SEC16B: variants seen among roughly 807,000 people sequenced by gnomAD.
The protein encoded by SEC16B is protein transport protein Sec16B.
A neutral mutation model predicts 141.8 loss-of-function variants in SEC16B; 115 were observed. The observed-to-expected ratio is 0.81, with a 90% CI of 0.70 to 0.95. The LOEUF is 0.95. SEC16B is among the 40% of genes least tolerant of loss of function. The probability of loss-of-function intolerance (pLI) is 0.00; values close to 1 mark genes in which losing one functional copy is unlikely to be tolerated. For synonymous variants in SEC16B, 493 were observed against 492.5 expected (o/e 1.00, Z -0.01); for missense variants, 1,291 against 1,312.3 (o/e 0.98, Z 0.25).
chr1:177,931,001 T>C lies in SEC16B; in HGVS notation c.3013-358A>G, dbSNP rs991684694. Among the ~76,000 whole-genome samples, 4 of 152,168 alleles carry C rather than the reference T, an allele frequency of 2.6e-5. No homozygotes were observed. The East Asian group carries it at 7.7e-4, about 29-fold the overall frequency. On this transcript the variant is annotated intron_variant, in intron 24 of 25. Coordinates refer to ENST00000308284, the MANE Select transcript of SEC16B (RefSeq NM_033127.4). Reference sequence around the variant, plus strand: ...GGAATGTAAATTAGTACAACCTCTATGAAAAACAGTATGAAGATTCCTTAA... The same window carrying C: ...GGAATGTAAATTAGTACAACCTCTACGAAAAACAGTATGAAGATTCCTTAA...
In SEC16B at chr1:177,960,841, TG is replaced by T; in HGVS notation, c.885del (p.Ser296AlafsTer29). On this transcript the variant is annotated frameshift_variant, in exon 7 of 26. Transcript: ENST00000308284. LOFTEE classifies it high-confidence loss of function. ...GPGGQLVHVG[P>X]SSPTDGQAAL... Reference sequence around the variant, plus strand: ...GCTGCTTGCCCGTCAGTGGGAGAGCTGGGACCTACATGCACCAGCTGACCTC... The same window carrying T: ...GCTGCTTGCCCGTCAGTGGGAGAGCTGGACCTACATGCACCAGCTGACCTC... 6.2e-7 allele frequency: 1 copy of T among 1,602,078 alleles called. No homozygotes were observed. Among genetic ancestry groups the T allele is most frequent in the Non-Finnish European group, 8.5e-7 (1 of 1,172,400 alleles).
intron 15 of SEC16B, among the ~76,000 whole-genome samples, chr1:177,943,525 G>C (rs549131118): frequency 6.6e-6 from 1 of 152,206 alleles, no homozygotes; most frequent in East Asian, 1.9e-4. Flanking sequence ...TGTAATTGTT[G>C]TTGTTGCTGC....
At chr1:177,963,330 C>T (rs1453662716) in intron 5 of SEC16B, among the ~76,000 whole-genome samples, 3 of 151,794 alleles carry the variant, frequency 2.0e-5, no homozygotes, top group East Asian at 1.9e-4. Context: ...TCTGGCCGAG[C>T]GTGGTGGCTC....
At chr1:177,944,471 A>C in intron 15 of SEC16B, 90 bp downstream of exon 15, 1 of 932,506 alleles carries the variant, frequency 1.1e-6, no homozygotes, top group African/African-American at 1.7e-5. Flanking sequence ...ACTTAGCCCC[A>C]GGTACTAAGT....
intron 1 of SEC16B, 59 bp downstream of exon 1, chr1:177,969,825 G>C (rs1365636035): frequency 6.6e-6 from 1 of 152,158 alleles, no homozygotes. Flanking sequence ...TTCCTAATCT[G>C]ACGGCACAGC....
chr1:177,937,525 G>T lies in SEC16B; in HGVS notation c.2204-12C>A. 1 of 1,504,276 alleles carries T rather than the reference G, an allele frequency of 6.6e-7. No homozygotes were observed. The highest frequency in any genetic ancestry group is 1.4e-5 in the South Asian group (1 of 73,804). The allele number at this position is 1,504,276 out of a possible 1,614,324, so 93.2% of individuals were successfully genotyped here. Reference sequence around the variant, plus strand: ...GTAGAAAGTGTTTTCTAAGGACGTGGAACAAAGGTAAAGAAGTCAGACCTG... The same window carrying T: ...GTAGAAAGTGTTTTCTAAGGACGTGTAACAAAGGTAAAGAAGTCAGACCTG... On this transcript the variant is annotated splice_polypyrimidine_tract_variant and intron_variant, in intron 18 of 25. Transcript: ENST00000308284.
At chr1:177,954,417 C>T (rs377183892) in intron 10 of SEC16B, 41 bp from the exon 11 acceptor site, 1 of 1,491,540 alleles carries the variant, frequency 6.7e-7, no homozygotes, top group Admixed American at 2.0e-5. Context: ...CCTTTCCCAC[C>T]TTCCACTCAC....
chr1:177,974,951 C>G (rs1654111170), upstream of SEC16B, among the ~76,000 whole-genome samples: 1 of 152,140 alleles, frequency 6.6e-6, no homozygotes, highest in African/African-American at 2.4e-5. Flanking sequence ...TCCTCTAAAT[C>G]AGGGAAAAAG....
chr1:177,963,257 C>A (rs190411590), intron 5 of SEC16B, among the ~76,000 whole-genome samples: 1 of 152,020 alleles, frequency 6.6e-6, no homozygotes, highest in African/African-American at 2.4e-5. Context: ...AAGAAATTGA[C>A]CTCATACAAA....
At chr1:177,979,486 A>G (rs1305476461) in intron 1 of SEC16B, among the ~76,000 whole-genome samples, 2 of 152,212 alleles carry the variant, frequency 1.3e-5, no homozygotes, top group African/African-American at 4.8e-5. Context: ...AGTGGCTGCA[A>G]ATATAGCAAA....
rs1571310194 is a variant in SEC16B at position 177,937,219 on chromosome 1, C to T, written c.2498G>A (p.Gly833Asp). The change falls in exon 19 of 26, where the codon GGC (glycine) becomes GAC (aspartate). Residue 833 changes from glycine to aspartate, a missense_variant. By Grantham distance (94) the Gly-to-Asp change is moderately conservative. This residue lies in a region of SEC16B where 605 missense variants were observed against 614.1 expected (regional missense o/e 0.99). Transcript: ENST00000308284. ...CCCTAGCGGCCAGGTCTTACCAGGG[C>T]CCAGGTGTGTCTGCAGCATTTCCTC... ...VWEEMLQTHL[G>D]PGENTVSQET... 6.2e-7 allele frequency: 1 copy of T among 1,610,752 alleles called. No homozygotes were observed. Among genetic ancestry groups the T allele is most frequent in the African/African-American group, 1.3e-5 (1 of 74,998 alleles).
chr1:177,947,690 G>A, intron 13 of SEC16B, 135 bp downstream of exon 13: 1 of 600,932 alleles, frequency 1.7e-6, no homozygotes, highest in Non-Finnish European at 3.0e-6. Context: ...AGCTGACCTG[G>A]ACGGGGAGGG....
chr1:177,959,431 A>T (rs375951550), intron 8 of SEC16B: 1 of 189,856 alleles, frequency 5.3e-6, no homozygotes, highest in African/African-American at 2.4e-5. Context: ...GATCAATATG[A>T]TTGGCATTAT....
intron 13 of SEC16B, among the ~76,000 whole-genome samples, chr1:177,947,236 A>C (rs1395188041): frequency 6.6e-6 from 1 of 152,204 alleles, no homozygotes; most frequent in Non-Finnish European, 1.5e-5. Flanking sequence ...TTTGAGAACC[A>C]CTGATCTGGA....
At chr1:177,947,252 C>A (rs889768197) in intron 13 of SEC16B, among the ~76,000 whole-genome samples, 1 of 152,158 alleles carries the variant, frequency 6.6e-6, no homozygotes, top group Non-Finnish European at 1.5e-5. Context: ...CTGGAACACT[C>A]AATAGCCCCC....
chr1:177,965,135 C>G lies in SEC16B; in HGVS notation c.445G>C (p.Glu149Gln), dbSNP rs770506272. 6 of 1,613,446 alleles carry G rather than the reference C, an allele frequency of 3.7e-6. No homozygotes were observed. The African/African-American group carries it at 8.0e-5, about 22-fold the overall frequency. ...AGGTACTTTTGCTCTCGGTAATCTT[C>G]GTGCCAGATATAAGGACTCCGTTGC... ...PRQRSPYIWHEDYREQKYLDE... is the reference protein window; with the variant it reads ...PRQRSPYIWHQDYREQKYLDE... Residue 149 changes from glutamate to glutamine, a missense_variant, in exon 4 of 26, where the codon GAA (glutamate) becomes CAA (glutamine). Physicochemically the swap from Glu to Gln is conservative, Grantham distance 29. Coordinates refer to ENST00000308284, the MANE Select transcript of SEC16B (RefSeq NM_033127.4).
intron 1 of SEC16B, among the ~76,000 whole-genome samples, chr1:177,975,261 G>A (rs533286647): frequency 1.5e-4 from 23 of 152,134 alleles, no homozygotes; most frequent in African/African-American, 5.3e-4. Flanking sequence ...TGCAATATTC[G>A]CAGTGCCTTG....
At chr1:177,967,451 G>C (rs371411835) in intron 2 of SEC16B, among the ~76,000 whole-genome samples, 119 of 152,254 alleles carry the variant, frequency 7.8e-4, no homozygotes, top group African/African-American at 2.7e-3. Context: ...AGTGGCATTT[G>C]TGATGGCTTC....
intron 10 of SEC16B, among the ~76,000 whole-genome samples, chr1:177,956,820 T>A (rs1160056584): frequency 2.0e-5 from 3 of 152,204 alleles, no homozygotes; most frequent in Non-Finnish European, 4.4e-5. Flanking sequence ...CAATAAATTA[T>A]ATGAGATATT....
Sources: gnomAD v4.1 joint callset for allele counts (sites outside exome capture counted in the v4.1 genomes callset) on GRCh38, gnomAD v4.1.1 for gene constraint, gnomAD v4.1.1 regional missense constraint, MANE v1.5 for transcripts, NCBI Gene and HGNC (gene_info 2026-07-23, HGNC 2026-07-21) for gene names.